CNTNAP5: variants seen among roughly 807,000 people sequenced by gnomAD.
CNTNAP5 encodes the protein contactin associated protein family member 5, also known as contactin-associated protein-like 5.
Under a neutral mutation model 150.2 loss-of-function variants are expected in CNTNAP5, and 72 were observed. The ratio of observed to expected loss-of-function variants is 0.48; its 90% CI spans 0.40 to 0.58. The LOEUF (loss-of-function observed/expected upper bound fraction) is 0.58. Among genes scored for constraint, CNTNAP5 ranks in the 20% least tolerant of loss-of-function variants. The pLI, the probability that CNTNAP5 is intolerant of heterozygous loss-of-function variation, is 0.00. For missense variants in CNTNAP5, 1,636 were observed against 1,626.2 expected, an observed-to-expected ratio of 1.01 and a Z score of -0.10; for synonymous variants, 672 against 619.8, an observed-to-expected ratio of 1.08 and a Z score of -1.25.
intron 3 of CNTNAP5, among the ~76,000 whole-genome samples, chr2:124,410,780 A>G (rs1198614738): frequency 6.6e-6 from 1 of 150,924 alleles, no homozygotes. Context: ...GAAAGCAGGA[A>G]AGATCCAAAA....
At chr2:124,366,798 C>T (rs56186929) in intron 3 of CNTNAP5, among the ~76,000 whole-genome samples, 1 of 152,266 alleles carries the variant, frequency 6.6e-6, no homozygotes, top group Admixed American at 6.5e-5. Context: ...GAAAAGAGGG[C>T]TGAGTCTTAT....
At chr2:124,911,376 A>C (rs748686796) in intron 22 of CNTNAP5, 91 bp from the exon 23 acceptor site, 4 of 870,170 alleles carry the variant, frequency 4.6e-6, no homozygotes, top group Non-Finnish European at 7.6e-6. Context: ...GGTGTAATGC[A>C]CAGGTGTGTC....
intron 7 of CNTNAP5, among the ~76,000 whole-genome samples, chr2:124,480,421 C>T (rs542021085): frequency 6.6e-6 from 1 of 152,260 alleles, no homozygotes; most frequent in South Asian, 2.1e-4. Flanking sequence ...TTGATTATTT[C>T]TTATGGCTCT....
intron 13 of CNTNAP5, among the ~76,000 whole-genome samples, chr2:124,677,900 G>C (rs1251886713): frequency 1.3e-5 from 2 of 151,936 alleles, no homozygotes; most frequent in Non-Finnish European, 2.9e-5. Flanking sequence ...AAAGTAAGCA[G>C]AAAGGTTTAT....
intron 1 of CNTNAP5, chr2:124,134,928 G>A (rs1683938688): frequency 6.6e-6 from 1 of 152,106 alleles, no homozygotes; most frequent in African/African-American, 2.4e-5. Context: ...CAGGATTTTG[G>A]TTTCTTTATT....
At chr2:124,310,782 T>A (rs1688809943) in intron 3 of CNTNAP5, among the ~76,000 whole-genome samples, 1 of 152,270 alleles carries the variant, frequency 6.6e-6, no homozygotes, top group Admixed American at 6.5e-5. Context: ...TATGGATAAG[T>A]AGAAGAAGCT....
chr2:124,190,145 C>A (rs989140583), intron 1 of CNTNAP5, among the ~76,000 whole-genome samples: 22 of 152,152 alleles, frequency 1.4e-4, no homozygotes, highest in Admixed American at 1.3e-3. Context: ...TCTAAGTACT[C>A]TTAAGGGTGA....
chr2:124,887,733 C>A (rs1218107506), intron 21 of CNTNAP5, among the ~76,000 whole-genome samples: 1 of 152,050 alleles, frequency 6.6e-6, no homozygotes, highest in Non-Finnish European at 1.5e-5. Context: ...ACCTCCTATT[C>A]TCTCTGTTTT....
At chr2:124,719,456 G>A (rs555351068) in intron 13 of CNTNAP5, among the ~76,000 whole-genome samples, 1 of 152,096 alleles carries the variant, frequency 6.6e-6, no homozygotes, top group African/African-American at 2.4e-5. Context: ...CAGCTGAACC[G>A]AGTAGTAAGT....
intron 10 of CNTNAP5, among the ~76,000 whole-genome samples, chr2:124,530,044 G>T (rs1695067811): frequency 6.6e-6 from 1 of 152,194 alleles, no homozygotes; most frequent in Admixed American, 6.5e-5. Context: ...GGGCACGGTT[G>T]CTCACGTCTG....
At chr2:124,359,434 G>A (rs886066106) in intron 3 of CNTNAP5, among the ~76,000 whole-genome samples, 3 of 151,578 alleles carry the variant, frequency 2.0e-5, no homozygotes, top group African/African-American at 4.9e-5. Flanking sequence ...TTTCTCTTGT[G>A]GGCATTTAGT....
At chr2:124,495,652 G>A (rs1412000248) in intron 7 of CNTNAP5, among the ~76,000 whole-genome samples, 2 of 152,302 alleles carry the variant, frequency 1.3e-5, no homozygotes, top group East Asian at 1.9e-4. Flanking sequence ...TAATGTGCAC[G>A]ATCTTTATCC....
At chr2:124,155,585 A>G (rs1436369484) in intron 1 of CNTNAP5, among the ~76,000 whole-genome samples, 1 of 152,196 alleles carries the variant, frequency 6.6e-6, no homozygotes, top group Non-Finnish European at 1.5e-5. Flanking sequence ...TTTCTGTTCC[A>G]TCTCCCAAAA....
At chr2:124,911,874 A>G (rs1228810999) in intron 23 of CNTNAP5, among the ~76,000 whole-genome samples, 1 of 152,070 alleles carries the variant, frequency 6.6e-6, no homozygotes, top group African/African-American at 2.4e-5. Flanking sequence ...AAGCAAACCA[A>G]TAAAACTAAA....
intron 1 of CNTNAP5, among the ~76,000 whole-genome samples, chr2:124,068,635 G>A (rs1194116311): frequency 6.6e-6 from 1 of 151,922 alleles, no homozygotes. Flanking sequence ...ACTGCTAAGA[G>A]AGTGCTTGCA....
chr2:124,362,056 G>A (rs918952859), intron 3 of CNTNAP5, among the ~76,000 whole-genome samples: 4 of 152,198 alleles, frequency 2.6e-5, no homozygotes, highest in Admixed American at 2.0e-4. Context: ...TATTCGGGTG[G>A]GAGTGACCCG....
intron 4 of CNTNAP5, among the ~76,000 whole-genome samples, chr2:124,432,503 C>A (rs1692416339): frequency 6.6e-6 from 1 of 152,154 alleles, no homozygotes; most frequent in Non-Finnish European, 1.5e-5. Flanking sequence ...GTTCAGTTAG[C>A]ATTACTGTGA....
Position 124,057,448 on chromosome 2 carries a change from A to ATTTTTTTTTTTTTTTTTTT in CNTNAP5, c.82+31721_82+31739dup, listed in dbSNP as rs556571236. On this transcript the variant is annotated intron_variant, in intron 1 of 23. Coordinates refer to ENST00000682447, the MANE Select transcript of CNTNAP5 (RefSeq NM_001367498.1). ...AGGCACCCACCAGCACGGCCAGCTA[A>ATTTTTTTTTTTTTTTTTTT]TTTTTTTTTTTTTTTTTTTTTTTAG... Among the ~76,000 whole-genome samples, 77 of 62,782 alleles carry ATTTTTTTTTTTTTTTTTTT rather than the reference A, an allele frequency of 1.2e-3. 16 individuals are homozygous for ATTTTTTTTTTTTTTTTTTT. Among genetic ancestry groups the ATTTTTTTTTTTTTTTTTTT allele is most frequent in the African/African-American group, 5.1e-3 (65 of 12,740 alleles). The allele number at this position is 62,782 out of a possible 152,430, so 41.2% of individuals were successfully genotyped here.
chr2:124,543,746 T>C (rs1174058431), intron 10 of CNTNAP5, among the ~76,000 whole-genome samples: 2 of 152,162 alleles, frequency 1.3e-5, no homozygotes, highest in Non-Finnish European at 2.9e-5. Context: ...TTTGGCTTTG[T>C]CAAACTCTGT....
Sources: gnomAD v4.1 joint callset for allele counts (sites outside exome capture counted in the v4.1 genomes callset) on GRCh38, gnomAD v4.1.1 for gene constraint, MANE v1.5 for transcripts, NCBI Gene and HGNC (gene_info 2026-07-23, HGNC 2026-07-21) for gene names.